Variants in KRTCAP2 observed in about 807,000 individuals in gnomAD.
KRTCAP2 encodes dolichyl-diphosphooligosaccharide--protein glycosyltransferase subunit KCP2.
A neutral mutation model predicts 16.5 loss-of-function variants in KRTCAP2; 10 were observed. The observed-to-expected ratio is 0.60, with a 90% CI of 0.37 to 1.02. KRTCAP2 has a LOEUF of 1.02. Among genes scored for constraint, KRTCAP2 ranks in the 50% least tolerant of loss-of-function variants. KRTCAP2 has a pLI of 0.01. For synonymous variants in KRTCAP2, 68 were observed against 69.8 expected (o/e 0.97, Z 0.13); for missense variants, 152 against 159.6 (o/e 0.95, Z 0.26).
Position 155,173,249 on chromosome 1 carries a change from G to T in KRTCAP2, c.-25C>A. On this transcript the variant is annotated 5_prime_UTR_variant, in exon 1 of 5. Coordinates refer to ENST00000295682, the MANE Select transcript of KRTCAP2 (RefSeq NM_173852.4). ...TCATGCCCCGCCCGTGAGTCCAACC[G>T]GCGCCTCTGGCCAAGAAAGGCGAGC... 6.2e-7 allele frequency: 1 copy of T among 1,614,046 alleles called. No homozygotes were observed. Among genetic ancestry groups the T allele is most frequent in the Non-Finnish European group, 8.5e-7 (1 of 1,180,004 alleles).
chr1:155,173,181 C>T, intron 1 of KRTCAP2, 40 bp downstream of exon 1: 2 of 1,546,252 alleles, frequency 1.3e-6, no homozygotes. Flanking sequence ...AAACCCCGAC[C>T]CCCTCTAGGA....
chr1:155,172,995 C>T, intron 1 of KRTCAP2, 103 bp from the exon 2 acceptor site: 4 of 1,268,952 alleles, frequency 3.2e-6, no homozygotes, highest in South Asian at 2.6e-5. Flanking sequence ...CGACCCCCTC[C>T]AAGAACTCCC....
In KRTCAP2 at chr1:155,169,568, G is replaced by A. The variant is rs1449508305; in HGVS notation, c.291-8C>T. ...ACCATGGAGAAGATGAAGCTATATG[G>A]TGAAGACAGAAAGGTCATGGCACCA... On this transcript the variant is annotated splice_polypyrimidine_tract_variant and splice_region_variant and intron_variant, in intron 4 of 4. Coordinates refer to ENST00000295682, the MANE Select transcript of KRTCAP2 (RefSeq NM_173852.4). 1.2e-6 allele frequency: 2 copies of A among 1,613,634 alleles called. No individual in the cohort carries two copies. Among genetic ancestry groups the A allele is most frequent in the Middle Eastern group, 1.6e-4 (1 of 6,062 alleles).
chr1:155,172,719 C>G lies in KRTCAP2; in HGVS notation c.159+19G>C, dbSNP rs1358878125. On this transcript the variant is annotated intron_variant, in intron 2 of 4. Coordinates refer to ENST00000295682, the MANE Select transcript of KRTCAP2 (RefSeq NM_173852.4). ...CACATGCCTACGTGGCCCGCCCCCTCCAACTGCAGGGAGGATACAGTGAGC... is the reference window on the plus strand; with the variant it reads ...CACATGCCTACGTGGCCCGCCCCCTGCAACTGCAGGGAGGATACAGTGAGC... 12 of 1,614,190 alleles carry G rather than the reference C, an allele frequency of 7.4e-6. No individual in the cohort carries two copies. Among genetic ancestry groups the G allele is most frequent in the Non-Finnish European group, 1.0e-5 (12 of 1,180,028 alleles).
Position 155,172,633 on chromosome 1 carries a change from T to G in KRTCAP2, c.160-5A>C. ...ATTCTCCAGATTATTGAAGGCCTGG[T>G]TGAGGGAGTTAAGGAGTAGGGTGTG... On this transcript the variant is annotated splice_region_variant and splice_polypyrimidine_tract_variant and intron_variant, in intron 2 of 4. Transcript: ENST00000295682. 3 of 1,614,142 alleles carry G rather than the reference T, an allele frequency of 1.9e-6. No individual in the cohort carries two copies. Among genetic ancestry groups the G allele is most frequent in the Non-Finnish European group, 2.5e-6 (3 of 1,180,014 alleles).
chr1:155,172,542 C>T (rs200955916), intron 3 of KRTCAP2, 23 bp downstream of exon 3: 10 of 1,614,228 alleles, frequency 6.2e-6, no homozygotes, highest in Non-Finnish European at 8.5e-6. Flanking sequence ...AGTTCAAATA[C>T]TCAAGCTCCA....
intron 3 of KRTCAP2, chr1:155,172,346 G>A (rs1571719088): frequency 7.1e-7 from 1 of 1,404,044 alleles, no homozygotes; most frequent in South Asian, 1.5e-5. Flanking sequence ...CTGGCCAGAA[G>A]GTACCAAAGT....
intron 3 of KRTCAP2, chr1:155,171,595 C>A: frequency 1.0e-6 from 1 of 984,848 alleles, no homozygotes; most frequent in Non-Finnish European, 1.2e-6. Context: ...CAGTGGCTCA[C>A]ACCTGTAATT....
rs748197573 is a variant in KRTCAP2 at position 155,173,245 on chromosome 1, A to C, written c.-21T>G. 1.2e-6 allele frequency: 2 copies of C among 1,614,090 alleles called. No homozygotes were observed. Among genetic ancestry groups the C allele is most frequent in the Non-Finnish European group, 1.7e-6 (2 of 1,180,028 alleles). The stretch of plus-strand genomic sequence containing the variant: ...CCCATCATGCCCCGCCCGTGAGTCC[A>C]ACCGGCGCCTCTGGCCAAGAAAGGC... On this transcript the variant is annotated 5_prime_UTR_variant, in exon 1 of 5. Transcript: ENST00000295682.
intron 4 of KRTCAP2, 44 bp downstream of exon 4, chr1:155,169,747 A>T: frequency 6.5e-7 from 1 of 1,534,422 alleles, no homozygotes; most frequent in African/African-American, 1.4e-5. Flanking sequence ...TCCAATGCCA[A>T]AAAACGGAAT....
chr1:155,173,005 C>T lies in KRTCAP2; in HGVS notation c.5-113G>A, dbSNP rs1210141664. On this transcript the variant is annotated intron_variant, in intron 1 of 4. Transcript: ENST00000295682. Reference sequence around the variant, plus strand: ...TGGGCCGACCCCCTCCAAGAACTCCCGGGACTGCAGCCACACGCCCCAACT... The same window carrying T: ...TGGGCCGACCCCCTCCAAGAACTCCTGGGACTGCAGCCACACGCCCCAACT... The T allele has an allele frequency of 1.0e-5, 12 of 1,181,582 alleles. No homozygotes were observed. In the East Asian group the frequency reaches 3.1e-4, roughly 30 times the overall value. The allele number at this position is 1,181,582 out of a possible 1,614,324, so 73.2% of individuals were successfully genotyped here. A position where few individuals can be genotyped will look rare whatever the true frequency, so the allele number is the denominator to read the frequency against.
rs144897243 is a variant in KRTCAP2 at position 155,171,672 on chromosome 1, A to G, written c.223+893T>C. ...CAGGAGTTCGAGACCAGCCTGGGCA[A>G]TGTGGTGAAACCCCATCTCTACAAA... On this transcript the variant is annotated intron_variant, in intron 3 of 4. Coordinates refer to ENST00000295682, the MANE Select transcript of KRTCAP2 (RefSeq NM_173852.4). 1.3e-4 allele frequency: 95 copies of G among 725,574 alleles called. 7 individuals carry two copies. In the East Asian group the frequency reaches 0.012, roughly 91 times the overall value. The allele number at this position is 725,574 out of a possible 1,614,324, so 44.9% of individuals were successfully genotyped here.
At chr1:155,172,699 G>T in intron 2 of KRTCAP2, 39 bp downstream of exon 2, 1 of 1,614,146 alleles carries the variant, frequency 6.2e-7, no homozygotes, top group East Asian at 2.2e-5. Context: ...AAGGGCACAT[G>T]CCTACGTGGC....
At chr1:155,172,988 C>A in intron 1 of KRTCAP2, 96 bp from the exon 2 acceptor site, 2 of 1,357,116 alleles carry the variant, frequency 1.5e-6, no homozygotes, top group South Asian at 1.3e-5. Flanking sequence ...GGTGGGCCGA[C>A]CCCCTCCAAG....
chr1:155,172,850 G>T lies in KRTCAP2; in HGVS notation c.47C>A (p.Ser16Tyr). 2 of 1,614,240 alleles carry T rather than the reference G, an allele frequency of 1.2e-6. No individual in the cohort carries two copies. Among genetic ancestry groups the T allele is most frequent in the Non-Finnish European group, 1.7e-6 (2 of 1,180,042 alleles). ...CTGCATCCCAGCAAAGAGCAGCAGG[G>T]ACAGGAGGGAGGAGAGCGCCAGCGA... ...GTSLALSSLL[S>Y]LLLFAGMQMY... Residue 16 changes from serine (S) to tyrosine (Y), a missense_variant, in exon 2 of 5, where the codon TCC becomes TAC. Physicochemically the swap from Ser to Tyr is moderately radical, Grantham distance 144. Transcript: ENST00000295682.
chr1:155,169,889 G>A (rs773912543), intron 3 of KRTCAP2, 32 bp from the exon 4 acceptor site: 9 of 1,454,458 alleles, frequency 6.2e-6, no homozygotes, highest in South Asian at 4.8e-5. Flanking sequence ...GGAGGGCAAC[G>A]GTCAGAATGG....
At position 155,171,859 on chromosome 1, in the gene KRTCAP2, A is replaced by G. The variant is rs1665258925; in HGVS notation, c.223+706T>C. 4.1e-6 allele frequency: 4 copies of G among 976,806 alleles called. No homozygotes were observed. In the Admixed American group the frequency reaches 2.5e-4, roughly 60 times the overall value. 60.5% of individuals were successfully genotyped at this position (976,806 alleles called of 1,614,324 possible). ...TAAAGCCTTGTCTCAAAAAAAAAAA[A>G]AAAAAAAAAAGAGAAAAGATTAAGG... is the stretch of plus-strand genomic sequence containing the variant. On this transcript the variant is annotated intron_variant, in intron 3 of 4. Coordinates refer to ENST00000295682, the MANE Select transcript of KRTCAP2 (RefSeq NM_173852.4).
chr1:155,173,300 C>G lies in KRTCAP2; in HGVS notation c.-76G>C. On this transcript the variant is annotated 5_prime_UTR_variant, in exon 1 of 5. It removes an upstream start codon present in the reference 5' UTR. Transcript: ENST00000295682. The stretch of plus-strand genomic sequence containing the variant: ...TGAACCGGGTGCGGTTAGCTATGCG[C>G]ATGCGTCAGCGCTTACCGCGGACTT... 1.2e-6 allele frequency: 2 copies of G among 1,613,344 alleles called. No homozygotes were observed. The highest frequency in any genetic ancestry group is 2.2e-5 in the South Asian group (2 of 90,914).
In KRTCAP2 at chr1:155,172,583, C is replaced by T; in HGVS notation, c.205G>A (p.Ala69Thr). ...CACTTACTCTCAGGGAAGATCTTTG[C>T]TTGGAATCCTTTGCCAAAGACAAGA... ...ENLVFGKGFQ[A>T]KIFPEILLCL... Residue 69 changes from alanine to threonine, a missense_variant, in exon 3 of 5, where the codon GCA becomes ACA. Transcript: ENST00000295682. 1 of 1,614,246 alleles carries T rather than the reference C, an allele frequency of 6.2e-7. No individual in the cohort carries two copies. Among genetic ancestry groups the T allele is most frequent in the Non-Finnish European group, 8.5e-7 (1 of 1,180,048 alleles).
Sources: gnomAD v4.1 joint callset for allele counts on GRCh38, gnomAD v4.1.1 for gene constraint, MANE v1.5 for transcripts, NCBI Gene and HGNC (gene_info 2026-07-23, HGNC 2026-07-21) for gene names.